MEIKIN: variants seen among roughly 807,000 people sequenced by gnomAD.
MEIKIN encodes meiosis-specific kinetochore protein.
chr5:131,847,526 C>G (rs912196444), intron 11 of MEIKIN, among the ~76,000 whole-genome samples: 3 of 151,670 alleles, frequency 2.0e-5, no homozygotes, highest in Admixed American at 6.6e-5. Context: ...AATGACAGAC[C>G]ATCAAAATAT....
rs1161525338 is a variant in MEIKIN, at chr5:131,933,295, A to G, written c.478+218T>C. ...TGGATGTGTATTACATATAAATGCTAAATGACATTTCTTCATCCTTCCTTG... is the reference window on the plus strand; with the variant it reads ...TGGATGTGTATTACATATAAATGCTGAATGACATTTCTTCATCCTTCCTTG... On this transcript the variant is annotated intron_variant, in intron 5 of 12. Transcript: ENST00000442687. Among the ~76,000 whole-genome samples the G allele has an allele frequency of 2.6e-5, 4 of 152,250 alleles. No homozygotes were observed. The East Asian group carries it at 7.7e-4, about 29-fold the overall frequency.
At chr5:131,923,303 A>G (rs1751537236) in intron 5 of MEIKIN, among the ~76,000 whole-genome samples, 1 of 152,120 alleles carries the variant, frequency 6.6e-6, no homozygotes, top group Non-Finnish European at 1.5e-5. Context: ...GGTGTTTTTC[A>G]TCTACTGTAC....
At chr5:131,874,094 C>T (rs1417997903) in intron 9 of MEIKIN, among the ~76,000 whole-genome samples, 1 of 151,950 alleles carries the variant, frequency 6.6e-6, no homozygotes, top group Non-Finnish European at 1.5e-5. Context: ...ACTAGAAAAG[C>T]CAGAGCAAAC....
At chr5:131,831,529 C>G (rs1004975275) in intron 11 of MEIKIN, among the ~76,000 whole-genome samples, 2 of 152,090 alleles carry the variant, frequency 1.3e-5, no homozygotes, top group African/African-American at 2.4e-5. Context: ...GTATTACAGC[C>G]GGGGTGACAG....
chr5:131,830,317 A>C (rs975009790), intron 11 of MEIKIN, among the ~76,000 whole-genome samples: 1 of 152,206 alleles, frequency 6.6e-6, no homozygotes, highest in Non-Finnish European at 1.5e-5. Flanking sequence ...GGATCAATTG[A>C]GCCTGGGAGG....
At chr5:131,823,925 C>A (rs1026607268) in intron 11 of MEIKIN, among the ~76,000 whole-genome samples, 1 of 152,170 alleles carries the variant, frequency 6.6e-6, no homozygotes, top group African/African-American at 2.4e-5. Flanking sequence ...GGTAGTACCA[C>A]CTTGGTAGTG....
chr5:131,815,614 G>A (rs932047325), intron 12 of MEIKIN, among the ~76,000 whole-genome samples: 3 of 152,204 alleles, frequency 2.0e-5, no homozygotes, highest in African/African-American at 4.8e-5. Context: ...AGCGACTTAC[G>A]GTGTTGACTG....
chr5:131,871,699 C>G (rs1323774650), intron 9 of MEIKIN, among the ~76,000 whole-genome samples: 1 of 152,208 alleles, frequency 6.6e-6, no homozygotes, highest in Non-Finnish European at 1.5e-5. Flanking sequence ...TAGACTGCCT[C>G]CTCAAGTGGG....
chr5:131,895,925 T>C lies in MEIKIN; in HGVS notation c.703+15890A>G, dbSNP rs1751041205. Among the ~76,000 whole-genome samples the C allele has an allele frequency of 2.0e-5, 3 of 152,352 alleles. 1 individual carries two copies. The highest frequency in any genetic ancestry group is 4.4e-5 in the Non-Finnish European group (3 of 68,030). The stretch of plus-strand genomic sequence containing the variant: ...ATCTTAGTTATTTCTTGCCTTCTGC[T>C]AGCTTTTGAATTTGCTTGCTCTTGC... On this transcript the variant is annotated intron_variant, in intron 8 of 12. Transcript: ENST00000442687.
At chr5:131,834,527 C>G (rs1459274193) in intron 11 of MEIKIN, among the ~76,000 whole-genome samples, 1 of 152,206 alleles carries the variant, frequency 6.6e-6, no homozygotes, top group Admixed American at 6.5e-5. Flanking sequence ...CCATTCTACT[C>G]TCTGCTTCTG....
intron 8 of MEIKIN, among the ~76,000 whole-genome samples, chr5:131,908,505 T>C (rs552212700): frequency 2.0e-5 from 3 of 152,274 alleles, no homozygotes; most frequent in Admixed American, 6.5e-5. Flanking sequence ...AAGCCTTTCT[T>C]TGTAAACCTG....
intron 8 of MEIKIN, among the ~76,000 whole-genome samples, chr5:131,896,716 T>C (rs1751058539): frequency 6.6e-6 from 1 of 152,220 alleles, no homozygotes; most frequent in African/African-American, 2.4e-5. Context: ...CTGCTTTTTC[T>C]CGCTTTCCAT....
intron 11 of MEIKIN, among the ~76,000 whole-genome samples, chr5:131,838,149 G>A (rs1197585622): frequency 6.6e-6 from 1 of 151,914 alleles, no homozygotes; most frequent in East Asian, 1.9e-4. Context: ...TTTATGTGAT[G>A]AATCACATTG....
intron 12 of MEIKIN, among the ~76,000 whole-genome samples, chr5:131,811,337 TTTC>T (rs1382312708): frequency 2.6e-5 from 4 of 151,904 alleles, no homozygotes; most frequent in Non-Finnish European, 5.9e-5. Context: ...TTGTAAACTT[TTTC>T]TTTTCTTTTT....
chr5:131,826,500 T>C (rs1392777793), intron 11 of MEIKIN, among the ~76,000 whole-genome samples: 1 of 152,188 alleles, frequency 6.6e-6, no homozygotes, highest in Non-Finnish European at 1.5e-5. Context: ...TGTTCATTTT[T>C]AGACATTACT....
intron 9 of MEIKIN, among the ~76,000 whole-genome samples, chr5:131,870,739 T>G (rs1750475410): frequency 6.6e-6 from 1 of 152,168 alleles, no homozygotes; most frequent in South Asian, 2.1e-4. Flanking sequence ...GGCAAAATTA[T>G]CTTGAATACA....
At chr5:131,864,444 T>C (rs773209546) in intron 9 of MEIKIN, among the ~76,000 whole-genome samples, 1 of 152,352 alleles carries the variant, frequency 6.6e-6, no homozygotes, top group South Asian at 2.1e-4. Flanking sequence ...CATTTGATTG[T>C]CTGGGAAATA....
intron 11 of MEIKIN, among the ~76,000 whole-genome samples, chr5:131,821,630 C>CTT (rs375765946): frequency 0.023 from 1,172 of 50,434 alleles, 302 homozygotes; most frequent in African/African-American, 0.055. Context: ...TGAGGTCTGC[C>CTT]TTTTTTTTTT....
At chr5:131,870,158 C>T (rs1238178249) in intron 9 of MEIKIN, among the ~76,000 whole-genome samples, 4 of 152,062 alleles carry the variant, frequency 2.6e-5, no homozygotes, top group African/African-American at 9.7e-5. Flanking sequence ...GTGCCTTTAT[C>T]AAAACATCAC....
Sources: gnomAD v4.1 joint callset for allele counts (sites outside exome capture counted in the v4.1 genomes callset) on GRCh38, gnomAD v4.1.1 for gene constraint, MANE v1.5 for transcripts, NCBI Gene and HGNC (gene_info 2026-07-23, HGNC 2026-07-21) for gene names.